Variants in ACACA observed in about 807,000 individuals in gnomAD.
The protein encoded by ACACA is acetyl-CoA carboxylase alpha.
A neutral mutation model predicts 296.1 loss-of-function variants in ACACA; 103 were observed. The observed-to-expected ratio is 0.35, with a 90% CI of 0.30 to 0.41. The LOEUF is 0.41. Among genes scored for constraint, ACACA ranks in the 10% least tolerant of loss-of-function variants. The pLI is 1.00. For missense variants in ACACA, 1,554 were observed against 2,989.7 expected (o/e 0.52, Z 11.20); for synonymous variants, 953 against 1,038.6 (o/e 0.92, Z 1.58).
chr17:37,172,896 GCTTCGCTTAGGTCTATTTCAGAACTCAC>G (rs2076932108), intron 41 of ACACA, among the ~76,000 whole-genome samples: 1 of 152,084 alleles, frequency 6.6e-6, no homozygotes, highest in South Asian at 2.1e-4. Context: ...TTACAGACCC[GCTTCGCTTAGGTCTATTTCAGAACTCAC>G]CTTCAGCATA....
intron 1 of ACACA, among the ~76,000 whole-genome samples, chr17:37,356,325 TCTTA>T (rs1274009903): frequency 6.6e-5 from 10 of 152,170 alleles, no homozygotes; most frequent in African/African-American, 1.7e-4. Context: ...TTTTTTGTAA[TCTTA>T]CTGTTTTACG....
At chr17:37,215,195 A>T (rs2078928362) in intron 29 of ACACA, among the ~76,000 whole-genome samples, 1 of 152,192 alleles carries the variant, frequency 6.6e-6, no homozygotes, top group East Asian at 1.9e-4. Context: ...CAGAAGGCCA[A>T]ATTCACAAGT....
At chr17:37,138,317 C>T (rs866585461) in intron 45 of ACACA, among the ~76,000 whole-genome samples, 89 of 152,270 alleles carry the variant, frequency 5.8e-4, no homozygotes, top group African/African-American at 1.8e-3. Flanking sequence ...GTCTCATTTC[C>T]GCTTCTTTAT....
chr17:37,369,150 A>G (rs144975186), intron 1 of ACACA, among the ~76,000 whole-genome samples: 6 of 152,302 alleles, frequency 3.9e-5, no homozygotes, highest in Admixed American at 2.0e-4. Context: ...ATACGGATGG[A>G]TTTTACCAAC....
At chr17:37,090,917 A>C (rs907425608) in intron 54 of ACACA, among the ~76,000 whole-genome samples, 13 of 151,696 alleles carry the variant, frequency 8.6e-5, no homozygotes, top group African/African-American at 3.1e-4. Context: ...CTTGGATTTC[A>C]GAATGGAAAA....
chr17:37,119,248 C>T (rs1016897328), intron 50 of ACACA, among the ~76,000 whole-genome samples: 2 of 152,028 alleles, frequency 1.3e-5, no homozygotes, highest in African/African-American at 4.8e-5. Context: ...TTTGTTTATA[C>T]ATTATGGCTT....
chr17:37,162,552 C>A, intron 41 of ACACA: 1 of 264,646 alleles, frequency 3.8e-6, no homozygotes, highest in South Asian at 4.2e-5. Context: ...TGAGTTTATG[C>A]TAGATCTGGT....
At chr17:37,269,065 C>G (rs1206050010) in intron 10 of ACACA, among the ~76,000 whole-genome samples, 1 of 145,154 alleles carries the variant, frequency 6.9e-6, no homozygotes, top group African/African-American at 2.6e-5. Flanking sequence ...AAAAAAAAAC[C>G]CAAGGTAATA....
chr17:37,365,805 C>T, intron 1 of ACACA: 1 of 887,914 alleles, frequency 1.1e-6, no homozygotes, highest in Non-Finnish European at 1.3e-6. Flanking sequence ...AGTAGAGACT[C>T]CCCACGATGT....
intron 52 of ACACA, among the ~76,000 whole-genome samples, chr17:37,109,960 C>G (rs930651808): frequency 4.0e-4 from 61 of 152,102 alleles, no homozygotes; most frequent in Admixed American, 1.2e-3. Flanking sequence ...GCATGAACTG[C>G]GGCCCTGCGG....
At chr17:37,181,848 C>T (rs1402697150) in intron 39 of ACACA, among the ~76,000 whole-genome samples, 3 of 118,438 alleles carry the variant, frequency 2.5e-5, no homozygotes, top group African/African-American at 3.3e-5. Context: ...TGCAGTGAGC[C>T]AAGATTGCGC....
At chr17:37,338,944 GA>G (rs1168913728) in intron 2 of ACACA, among the ~76,000 whole-genome samples, 196 of 75,600 alleles carry the variant, frequency 2.6e-3, no homozygotes, top group East Asian at 2.8e-3. Context: ...CGTCTCAAAA[GA>G]AAAAAAAAAA....
At chr17:37,195,919 C>A (rs1394666814) in intron 35 of ACACA, among the ~76,000 whole-genome samples, 2 of 151,992 alleles carry the variant, frequency 1.3e-5, no homozygotes, top group African/African-American at 4.8e-5. Flanking sequence ...AAAGAAAAAC[C>A]CTCTTAGTAT....
At chr17:37,320,458 C>T (rs534822998) in intron 3 of ACACA, among the ~76,000 whole-genome samples, 1 of 151,422 alleles carries the variant, frequency 6.6e-6, no homozygotes, top group African/African-American at 2.4e-5. Context: ...TTGCAGTGAG[C>T]CGAGATCACA....
In ACACA at chr17:37,248,159, G is replaced by T; in HGVS notation, c.2164-3C>A. The T allele has an allele frequency of 6.2e-7, 1 of 1,614,080 alleles. No individual in the cohort carries two copies. The highest frequency in any genetic ancestry group is 8.5e-7 in the Non-Finnish European group (1 of 1,179,936). ...GAGTTGGGGGACTGTCGAGTCACCT[G>T]TAGGGAATGAGAATGAGGATCAGTG... On this transcript the variant is annotated splice_polypyrimidine_tract_variant and splice_region_variant and intron_variant, in intron 17 of 55. Transcript: ENST00000616317.
chr17:37,394,215 CTT>C (rs796871691), intron 1 of ACACA, among the ~76,000 whole-genome samples: 17 of 144,340 alleles, frequency 1.2e-4, no homozygotes, highest in Non-Finnish European at 1.1e-4. Flanking sequence ...TTTTCTTTTT[CTT>C]TTTTTTTTTT....
intron 3 of ACACA, among the ~76,000 whole-genome samples, chr17:37,324,981 T>C (rs1034640618): frequency 1.3e-5 from 2 of 151,276 alleles, no homozygotes; most frequent in Non-Finnish European, 2.9e-5. Flanking sequence ...GGCAGGCAGA[T>C]CACAAGGTCA....
In ACACA at chr17:37,270,732, A is replaced by G. The variant is rs749336730; in HGVS notation, c.1119+19T>C. Reference sequence around the variant, plus strand: ...ATATACATGTTAGTTCAAACAAACAAAAACAGCTTATACTCTACCTGTCTG... The same window carrying G: ...ATATACATGTTAGTTCAAACAAACAGAAACAGCTTATACTCTACCTGTCTG... On this transcript the variant is annotated intron_variant, in intron 10 of 55. Transcript: ENST00000616317. 6.9e-6 allele frequency: 11 copies of G among 1,584,094 alleles called. No homozygotes were observed. In the East Asian group the frequency reaches 1.6e-4, roughly 23 times the overall value.
chr17:37,352,713 GAGTGAGACCTTATCAAAAAAAA>G (rs2048963225), intron 1 of ACACA, among the ~76,000 whole-genome samples: 1 of 151,566 alleles, frequency 6.6e-6, no homozygotes, highest in Non-Finnish European at 1.5e-5. Context: ...GAGGGTGACA[GAGTGAGACCTTATCAAAAAAAA>G]AAAAGAAAAG....
Sources: allele counts gnomAD v4.1 joint callset (sites outside exome capture counted in the v4.1 genomes callset), GRCh38; gene constraint gnomAD v4.1.1; transcripts MANE v1.5; gene names NCBI Gene and HGNC (gene_info 2026-07-23, HGNC 2026-07-21).